Variants in PKNOX1 observed in about 807,000 individuals in gnomAD.
The protein encoded by PKNOX1 is homeobox protein PKNOX1.
In PKNOX1, 15 loss-of-function variants were observed where a neutral mutation model predicts 51.9. The ratio of observed to expected loss-of-function variants is 0.29; its 90% CI spans 0.19 to 0.45. PKNOX1 has a LOEUF of 0.45. Ranked by LOEUF, PKNOX1 falls within the 20% of genes least tolerant of loss-of-function variation. PKNOX1 has a pLI of 1.00. For missense variants in PKNOX1, 462 were observed against 547.5 expected (o/e 0.84, Z 1.56); for synonymous variants, 219 against 211.1 (o/e 1.04, Z -0.32).
rs1980189542 is a variant in PKNOX1, at chr21:43,030,095, G to C, written c.1305G>C (p.Leu435=). 1 of 1,596,708 alleles carries C rather than the reference G, an allele frequency of 6.3e-7. No homozygotes were observed. The highest frequency in any genetic ancestry group is 8.6e-7 in the Non-Finnish European group (1 of 1,166,626). ...SGLVLENSDS[L]Q is the part of the protein sequence containing the mutation. ...TGGTCTTGGAGAACAGTGACTCCCT[G>C]CAGTAGGGGCAGGAGCAGACGCACC... is the stretch of plus-strand genomic sequence containing the variant. The change falls in exon 11 of 11, where the codon CTG becomes CTC. Residue 435 remains leucine (L), a synonymous_variant. Coordinates refer to ENST00000291547, the MANE Select transcript of PKNOX1 (RefSeq NM_004571.5).
At chr21:42,979,966 A>G (rs2059018455) in intron 1 of PKNOX1, among the ~76,000 whole-genome samples, 1 of 152,194 alleles carries the variant, frequency 6.6e-6, no homozygotes, top group Non-Finnish European at 1.5e-5. Context: ...TTCTGCGCTT[A>G]TGATCTAAGT....
At chr21:42,993,396 C>A (rs568063236) in intron 1 of PKNOX1, among the ~76,000 whole-genome samples, 1 of 152,192 alleles carries the variant, frequency 6.6e-6, no homozygotes, top group Non-Finnish European at 1.5e-5. Flanking sequence ...CTCCACGTTG[C>A]CCTGCTGCAG....
chr21:43,002,909 G>A (rs770607693), intron 1 of PKNOX1, among the ~76,000 whole-genome samples: 9 of 152,100 alleles, frequency 5.9e-5, no homozygotes, highest in Non-Finnish European at 5.9e-5. Flanking sequence ...TAGAGACAGG[G>A]TTTCACTATG....
chr21:43,024,640 T>TG lies in PKNOX1; in HGVS notation c.850-225dup, dbSNP rs566379485. The TG allele has an allele frequency of 7.4e-3, 3,615 of 486,316 alleles. 60 individuals carry two copies. Among genetic ancestry groups the TG allele is most frequent in the Non-Finnish European group, 6.1e-3 (1,655 of 272,342 alleles). The allele number at this position is 486,316 out of a possible 1,614,324, so 30.1% of individuals were successfully genotyped here. A position where few individuals can be genotyped will look rare whatever the true frequency, so the allele number is the denominator to read the frequency against. ...ATCGTCACCGCTGAACCGTTAAACG[T>TG]GGGGGGCGGTCTGCCTTGGCCTATG... On this transcript the variant is annotated intron_variant, in intron 8 of 10. Coordinates refer to ENST00000291547, the MANE Select transcript of PKNOX1 (RefSeq NM_004571.5).
In PKNOX1 at chr21:43,007,637, G is replaced by A; in HGVS notation, c.179+19G>A. On this transcript the variant is annotated intron_variant, in intron 3 of 10. Coordinates refer to ENST00000291547, the MANE Select transcript of PKNOX1 (RefSeq NM_004571.5). Reference sequence around the variant, plus strand: ...TTTATAGGTAGTGCCCGGGGTGCCGGCTGTGGGGGCCTCAGAGGAGTGAGG... The same window carrying A: ...TTTATAGGTAGTGCCCGGGGTGCCGACTGTGGGGGCCTCAGAGGAGTGAGG... 1 of 1,613,880 alleles carries A rather than the reference G, an allele frequency of 6.2e-7. No individual in the cohort carries two copies. The highest frequency in any genetic ancestry group is 8.5e-7 in the Non-Finnish European group (1 of 1,179,838).
chr21:43,017,250 G>C, intron 6 of PKNOX1: 1 of 300,206 alleles, frequency 3.3e-6, no homozygotes, highest in Non-Finnish European at 6.2e-6. Flanking sequence ...TTTTATGTAG[G>C]AATTGAAAAT....
intron 1 of PKNOX1, 109 bp downstream of exon 1, chr21:42,974,773 G>C (rs1342251635): frequency 7.1e-5 from 11 of 155,840 alleles, no homozygotes; most frequent in South Asian, 3.5e-4. Context: ...GCTGCCGCCC[G>C]GGTCTGGAGG....
intron 1 of PKNOX1, among the ~76,000 whole-genome samples, chr21:42,987,425 A>ATATATATATATG (rs1484433341): frequency 1.5e-5 from 2 of 135,098 alleles, no homozygotes; most frequent in African/African-American, 5.6e-5. Flanking sequence ...ATATATATAT[A>ATATATATATATG]TATGTATACT....
intron 1 of PKNOX1, among the ~76,000 whole-genome samples, chr21:43,000,787 G>A (rs754861272): frequency 6.6e-6 from 1 of 152,208 alleles, no homozygotes; most frequent in Non-Finnish European, 1.5e-5. Flanking sequence ...GGGGGCTGTG[G>A]TGGGAGCATC....
intron 1 of PKNOX1, among the ~76,000 whole-genome samples, chr21:42,993,636 T>C (rs929081088): frequency 3.5e-5 from 5 of 143,236 alleles, no homozygotes; most frequent in Admixed American, 2.2e-4. Context: ...TGTTCCTGTA[T>C]GGTTACCCAC....
intron 5 of PKNOX1, among the ~76,000 whole-genome samples, chr21:43,013,650 T>G (rs910696174): frequency 2.0e-5 from 3 of 152,148 alleles, no homozygotes; most frequent in Non-Finnish European, 4.4e-5. Context: ...CTCCAGAACT[T>G]TCTCATCTTC....
Position 42,984,974 on chromosome 21 carries a change from C to CT in PKNOX1, c.-57+10337dup, listed in dbSNP as rs71195904. 5.7e-3 allele frequency among the ~76,000 whole-genome samples: 332 copies of CT among 58,002 alleles called. 30 individuals carry two copies. Among genetic ancestry groups the CT allele is most frequent in the African/African-American group, 0.015 (217 of 14,032 alleles). The allele number at this position is 58,002 out of a possible 152,430, so 38.1% of individuals were successfully genotyped here. On this transcript the variant is annotated intron_variant, in intron 1 of 10. Transcript: ENST00000291547. ...GGGTTAGGGTTCCTCATTTTCTTTT[C>CT]TTTTTTTTTTTTTTTTTTTTTTTTT...
intron 2 of PKNOX1, among the ~76,000 whole-genome samples, chr21:43,006,649 TG>T (rs1475976688): frequency 6.6e-6 from 1 of 152,154 alleles, no homozygotes; most frequent in African/African-American, 2.4e-5. Flanking sequence ...CCTGTGCGGG[TG>T]GGCGTTCATG....
At chr21:43,016,784 T>A in intron 5 of PKNOX1, 124 bp from the exon 6 acceptor site, 1 of 588,276 alleles carries the variant, frequency 1.7e-6, no homozygotes, top group African/African-American at 1.9e-5. Flanking sequence ...CATCTGAGGA[T>A]GTTCTTTCCC....
intron 1 of PKNOX1, among the ~76,000 whole-genome samples, chr21:43,002,090 T>A (rs1978785238): frequency 6.6e-6 from 1 of 152,168 alleles, no homozygotes; most frequent in Non-Finnish European, 1.5e-5. Context: ...ACTCCTGAAC[T>A]CAAGTGGTCC....
Position 42,985,332 on chromosome 21 carries a change from G to T in PKNOX1, c.-57+10668G>T, listed in dbSNP as rs556637167. Among the ~76,000 whole-genome samples, 8 of 151,446 alleles carry T rather than the reference G, an allele frequency of 5.3e-5. No individual in the cohort carries two copies. The South Asian group carries it at 6.3e-4, about 12-fold the overall frequency. On this transcript the variant is annotated intron_variant, in intron 1 of 10. Transcript: ENST00000291547. ...TTTTTTTGTTTGTTTTTTGGTTTTT[G>T]TTTGTTTGTTTGTTTGTTTTGAGAC...
chr21:43,022,821 C>A (rs558671738), intron 8 of PKNOX1, among the ~76,000 whole-genome samples: 12 of 152,000 alleles, frequency 7.9e-5, no homozygotes, highest in Non-Finnish European at 1.6e-4. Context: ...GGAATGAGGG[C>A]TCTAAGCAGT....
At chr21:43,010,572 C>T (rs995354360) in intron 4 of PKNOX1, among the ~76,000 whole-genome samples, 1 of 152,066 alleles carries the variant, frequency 6.6e-6, no homozygotes, top group Non-Finnish European at 1.5e-5. Context: ...ATAAAATAGG[C>T]CAGGCGTGGT....
chr21:43,016,873 A>T, intron 5 of PKNOX1, 35 bp from the exon 6 acceptor site: 1 of 1,385,322 alleles, frequency 7.2e-7, no homozygotes, highest in Non-Finnish European at 1.0e-6. Flanking sequence ...TCCGTTTTCT[A>T]GTAATTCCTT....
Sources: allele counts gnomAD v4.1 joint callset (sites outside exome capture counted in the v4.1 genomes callset), GRCh38; gene constraint gnomAD v4.1.1; transcripts MANE v1.5; gene names NCBI Gene and HGNC (gene_info 2026-07-23, HGNC 2026-07-21).